The following WDPCP variants were observed in gnomAD, a reference collection of about 807,000 sequenced individuals.
The protein encoded by WDPCP is WD repeat-containing and planar cell polarity effector protein fritz homolog.
A neutral mutation model predicts 93.1 loss-of-function variants in WDPCP; 71 were observed. The ratio of observed to expected loss-of-function variants is 0.76; its 90% confidence interval spans 0.63 to 0.93. The LOEUF is 0.93. WDPCP is among the 40% of genes least tolerant of loss of function. The probability of loss-of-function intolerance (pLI) is 0.00; values close to 1 mark genes in which losing one functional copy is unlikely to be tolerated. For synonymous variants in WDPCP, 315 were observed against 315.0 expected, an observed-to-expected ratio of 1.00 and a Z score of 0.00; for missense variants, 844 against 887.4, an observed-to-expected ratio of 0.95 and a Z score of 0.62.
intron 6 of WDPCP, among the ~76,000 whole-genome samples, chr2:63,460,354 C>T (rs534701637): frequency 1.0e-3 from 156 of 151,982 alleles, no homozygotes; most frequent in Non-Finnish European, 1.5e-3. Context: ...GGAGAGAGTT[C>T]GGTTATGAGT....
intron 6 of WDPCP, among the ~76,000 whole-genome samples, chr2:63,474,840 T>C (rs1460379461): frequency 2.0e-5 from 3 of 152,158 alleles, no homozygotes; most frequent in Admixed American, 6.5e-5. Flanking sequence ...TATATGTATA[T>C]CAACTATGTA....
intron 13 of WDPCP, among the ~76,000 whole-genome samples, chr2:63,283,810 G>A (rs1433732910): frequency 1.3e-5 from 2 of 152,192 alleles, no homozygotes; most frequent in African/African-American, 4.8e-5. Context: ...CAGTGCTAGG[G>A]CAGTGCTGTA....
intron 13 of WDPCP, among the ~76,000 whole-genome samples, chr2:63,268,434 T>C (rs1387652655): frequency 6.6e-6 from 1 of 152,140 alleles, no homozygotes; most frequent in East Asian, 1.9e-4. Context: ...TAGCAATGTA[T>C]TGTATATTTC....
At chr2:63,223,406 T>C (rs1485268038) in intron 14 of WDPCP, among the ~76,000 whole-genome samples, 10 of 152,190 alleles carry the variant, frequency 6.6e-5, no homozygotes, top group Admixed American at 5.2e-4. Flanking sequence ...GAAAATCTGA[T>C]TGGCACTCAC....
intron 11 of WDPCP, 112 bp downstream of exon 11, chr2:63,381,794 T>G: frequency 8.9e-7 from 1 of 1,128,254 alleles, no homozygotes; most frequent in Non-Finnish European, 1.3e-6. Flanking sequence ...ACTAACATTT[T>G]TATCATTTAA....
rs142704732 is a variant in WDPCP at position 63,418,541 on chromosome 2, C to T, written c.826-13884G>A. 3.9e-5 allele frequency among the ~76,000 whole-genome samples: 6 copies of T among 152,256 alleles called. No individual in the cohort carries two copies. The East Asian group carries it at 1.2e-3, about 29-fold the overall frequency. On this transcript the variant is annotated intron_variant, in intron 9 of 17. Coordinates refer to ENST00000272321, the MANE Select transcript of WDPCP (RefSeq NM_015910.7). ...CACTTACTGGGTTCTTGGTCTTAAT[C>T]CTGTCTTCAGGTACTTCCTAGACTT...
At chr2:63,500,754 G>A (rs1701500348) in intron 1 of WDPCP, among the ~76,000 whole-genome samples, 1 of 152,112 alleles carries the variant, frequency 6.6e-6, no homozygotes, top group Admixed American at 6.5e-5. Flanking sequence ...ATTTGTAACG[G>A]TGTTGTAAGG....
intron 13 of WDPCP, among the ~76,000 whole-genome samples, chr2:63,310,056 A>T (rs190934455): frequency 3.0e-4 from 46 of 152,330 alleles, no homozygotes; most frequent in South Asian, 6.2e-4. Context: ...AAACAATGTA[A>T]AGTGAAGTAC....
chr2:63,484,817 A>G, intron 5 of WDPCP, 100 bp downstream of exon 5: 1 of 1,498,400 alleles, frequency 6.7e-7, no homozygotes, highest in South Asian at 1.2e-5. Flanking sequence ...CAAAGCTATC[A>G]TCACCATGAG....
At chr2:63,732,708 TA>T (rs1411142418) in intron 2 of WDPCP, among the ~76,000 whole-genome samples, 1 of 152,130 alleles carries the variant, frequency 6.6e-6, no homozygotes, top group Non-Finnish European at 1.5e-5. Context: ...AAATATTCGA[TA>T]GGGGCAGCAA....
chr2:63,417,997 A>G (rs1185412732), intron 9 of WDPCP, among the ~76,000 whole-genome samples: 1 of 152,096 alleles, frequency 6.6e-6, no homozygotes, highest in Non-Finnish European at 1.5e-5. Context: ...CCTGCATTTT[A>G]GCAGCTTTAA....
intron 2 of WDPCP, chr2:63,752,298 C>T: frequency 1.2e-6 from 1 of 838,550 alleles, no homozygotes; most frequent in Non-Finnish European, 2.0e-6. Context: ...TCAGTGTCTT[C>T]TTTAATGCCA....
chr2:63,217,809 T>G (rs2104458728), intron 14 of WDPCP, among the ~76,000 whole-genome samples: 1 of 152,302 alleles, frequency 6.6e-6, no homozygotes, highest in East Asian at 1.9e-4. Context: ...AAACATCGAC[T>G]TACAGGTGTT....
chr2:63,714,026 G>A (rs370405931), intron 2 of WDPCP, among the ~76,000 whole-genome samples: 2 of 151,642 alleles, frequency 1.3e-5, no homozygotes. Context: ...AAATATCTTC[G>A]CTGCGAACAA....
chr2:63,749,399 T>C (rs1197571772), intron 2 of WDPCP, among the ~76,000 whole-genome samples: 1 of 152,134 alleles, frequency 6.6e-6, no homozygotes, highest in Non-Finnish European at 1.5e-5. Context: ...CAGTCCCCAA[T>C]TTACAATGGT....
intron 12 of WDPCP, among the ~76,000 whole-genome samples, chr2:63,374,722 C>T (rs537136618): frequency 4.6e-5 from 7 of 152,016 alleles, no homozygotes; most frequent in South Asian, 4.2e-4. Context: ...GTATATTATC[C>T]GCAACATCTT....
chr2:63,663,826 T>A (rs1710254462), intron 2 of WDPCP, among the ~76,000 whole-genome samples: 2 of 152,220 alleles, frequency 1.3e-5, no homozygotes, highest in Admixed American at 1.3e-4. Context: ...TGGGAATTTT[T>A]AAATTTGATA....
chr2:63,700,656 C>A (rs564247784), intron 2 of WDPCP, among the ~76,000 whole-genome samples: 1 of 152,084 alleles, frequency 6.6e-6, no homozygotes. Flanking sequence ...CAGCATGGTA[C>A]TCACATAAAA....
chr2:63,565,411 C>A (rs1445786655), intron 1 of WDPCP, among the ~76,000 whole-genome samples: 1 of 152,038 alleles, frequency 6.6e-6, no homozygotes, highest in African/African-American at 2.4e-5. Flanking sequence ...TGAAAATACA[C>A]AGGTATGTAT....
Sources: gnomAD v4.1 joint callset for allele counts (sites outside exome capture counted in the v4.1 genomes callset) on GRCh38, gnomAD v4.1.1 for gene constraint, MANE v1.5 for transcripts, NCBI Gene and HGNC (gene_info 2026-07-23, HGNC 2026-07-21) for gene names.